HACD1: variants seen among roughly 807,000 people sequenced by gnomAD.
HACD1 encodes 3-hydroxyacyl-CoA dehydratase 1, also known as very-long-chain (3R)-3-hydroxyacyl-CoA dehydratase 1.
A neutral mutation model predicts 32.0 loss-of-function variants in HACD1; 41 were observed. The observed-to-expected ratio is 1.28, with a 90% CI of 1.00 to 1.66. The LOEUF is 1.66. HACD1 is among the 40% of genes most tolerant of loss of function. HACD1 has a pLI of 0.00. For missense variants in HACD1, 396 were observed against 380.1 expected (o/e 1.04, Z -0.35); for synonymous variants, 142 against 139.0 (o/e 1.02, Z -0.15).
rs1833109643 is a variant in HACD1, at chr10:17,617,350, C to T, written c.-11G>A. On this transcript the variant is annotated 5_prime_UTR_variant, in exon 1 of 7. Coordinates refer to ENST00000361271, the MANE Select transcript of HACD1 (RefSeq NM_014241.4). ...CGTCAGGCGCCCCATGTGCAGCGCG[C>T]AGGGGGCTCGGCGCAGCCAGCTCTA... 2 of 1,365,070 alleles carry T rather than the reference C, an allele frequency of 1.5e-6. No homozygotes were observed. Among genetic ancestry groups the T allele is most frequent in the African/African-American group, 1.5e-5 (1 of 65,664 alleles). The allele number at this position is 1,365,070 out of a possible 1,614,324, so 84.6% of individuals were successfully genotyped here.
intron 1 of HACD1, among the ~76,000 whole-genome samples, chr10:17,615,059 C>G (rs1479643715): frequency 6.6e-6 from 1 of 152,194 alleles, no homozygotes; most frequent in Non-Finnish European, 1.5e-5. Context: ...GCTCCGGAAA[C>G]GTTTATTAAC....
intron 5 of HACD1, among the ~76,000 whole-genome samples, chr10:17,596,565 G>A (rs1237453100): frequency 2.7e-5 from 4 of 148,432 alleles, no homozygotes; most frequent in Admixed American, 6.8e-5. Context: ...AAAGTCTTAA[G>A]GGCAATGAAA....
intron 6 of HACD1, among the ~76,000 whole-genome samples, chr10:17,590,697 A>G (rs1027137483): frequency 5.9e-5 from 9 of 152,094 alleles, no homozygotes; most frequent in Non-Finnish European, 1.3e-4. Flanking sequence ...CCTGAGACAG[A>G]GTCTCACTCT....
chr10:17,599,133 A>T, intron 5 of HACD1, 157 bp downstream of exon 5: 3 of 1,267,810 alleles, frequency 2.4e-6, no homozygotes, highest in Non-Finnish European at 3.1e-6. Flanking sequence ...TTAGAATACA[A>T]ATCATAACTT....
rs1450064931 is a variant in HACD1 at position 17,617,245 on chromosome 10, G to T, written c.95C>A (p.Thr32Lys). The change falls in exon 1 of 7, where the codon ACG becomes AAG. Residue 32 changes from threonine (T) to lysine (K), a missense_variant. Physicochemically the swap from Thr to Lys is moderately conservative, Grantham distance 78. Transcript: ENST00000361271. ...SPPTLLPLSPTSPRCAATMAS... is the reference protein window; with the variant it reads ...SPPTLLPLSPKSPRCAATMAS... ...CATGGTGGCCGCGCACCTGGGGGAC[G>T]TGGGAGACAGCGGCAGGAGCGTGGG... The T allele has an allele frequency of 6.7e-6, 10 of 1,481,550 alleles. No homozygotes were observed. In the African/African-American group the frequency reaches 1.3e-4, roughly 19 times the overall value. The allele number at this position is 1,481,550 out of a possible 1,614,324, so 91.8% of individuals were successfully genotyped here. A position where few individuals can be genotyped will look rare whatever the true frequency, so the allele number is the denominator to read the frequency against.
chr10:17,592,315 C>A (rs782399658), intron 6 of HACD1, among the ~76,000 whole-genome samples: 3 of 152,052 alleles, frequency 2.0e-5, no homozygotes, highest in Non-Finnish European at 2.9e-5. Flanking sequence ...CTCACTTAAC[C>A]TCTTTCATCT....
intron 5 of HACD1, among the ~76,000 whole-genome samples, chr10:17,598,438 G>A (rs1834024627): frequency 6.6e-6 from 1 of 152,014 alleles, no homozygotes; most frequent in African/African-American, 2.4e-5. Flanking sequence ...TAATTGACCA[G>A]GCATGGTGGC....
intron 1 of HACD1, among the ~76,000 whole-genome samples, chr10:17,614,538 C>T (rs1250091613): frequency 6.6e-6 from 1 of 151,722 alleles, no homozygotes; most frequent in African/African-American, 2.4e-5. Context: ...CCACCGTGCT[C>T]GGCCTACTCT....
intron 1 of HACD1, among the ~76,000 whole-genome samples, chr10:17,606,607 C>T (rs1554817082): frequency 2.0e-5 from 3 of 152,114 alleles, no homozygotes; most frequent in Non-Finnish European, 2.9e-5. Flanking sequence ...AAGATTCCTG[C>T]AAAGAATCTA....
chr10:17,597,702 G>A (rs189064659), intron 5 of HACD1, among the ~76,000 whole-genome samples: 86 of 152,274 alleles, frequency 5.6e-4, no homozygotes, highest in African/African-American at 1.9e-3. Context: ...ATTGTCATGC[G>A]AAATGATATT....
At chr10:17,615,303 T>C (rs1489392925) in intron 1 of HACD1, among the ~76,000 whole-genome samples, 1 of 152,226 alleles carries the variant, frequency 6.6e-6, no homozygotes, top group African/African-American at 2.4e-5. Flanking sequence ...TGTGCCTCAC[T>C]CTTCTAATCT....
At chr10:17,608,064 G>C (rs1281645008) in intron 1 of HACD1, among the ~76,000 whole-genome samples, 1 of 152,086 alleles carries the variant, frequency 6.6e-6, no homozygotes, top group Non-Finnish European at 1.5e-5. Flanking sequence ...AGGCTGGAGT[G>C]AGTGGTGTGC....
At chr10:17,599,146 ATAAT>A in intron 5 of HACD1, 140 bp downstream of exon 5, 1 of 1,313,804 alleles carries the variant, frequency 7.6e-7, no homozygotes, top group Non-Finnish European at 9.9e-7. Flanking sequence ...CATAACTTGT[ATAAT>A]TATTAGTTAT....
At chr10:17,598,450 C>T (rs1450646085) in intron 5 of HACD1, among the ~76,000 whole-genome samples, 3 of 152,008 alleles carry the variant, frequency 2.0e-5, no homozygotes, top group Non-Finnish European at 4.4e-5. Flanking sequence ...CATGGTGGCT[C>T]ACACCTATAA....
intron 4 of HACD1, among the ~76,000 whole-genome samples, chr10:17,601,880 C>G (rs1834074581): frequency 6.6e-6 from 1 of 151,870 alleles, no homozygotes; most frequent in Non-Finnish European, 1.5e-5. Context: ...TGAGCTGTCC[C>G]CATGCAGACA....
At position 17,590,291 on chromosome 10, in the gene HACD1, A is replaced by C; in HGVS notation, c.*73T>G. ...TCCATGATATTTCACAAAGTTGTTT[A>C]TTCTTGTTATTAAAACTTGGACTCA... On this transcript the variant is annotated 3_prime_UTR_variant, in exon 7 of 7. Coordinates refer to ENST00000361271, the MANE Select transcript of HACD1 (RefSeq NM_014241.4). The C allele has an allele frequency of 9.2e-7, 1 of 1,092,188 alleles. No homozygotes were observed. The highest frequency in any genetic ancestry group is 1.3e-6 in the Non-Finnish European group (1 of 746,534). 67.7% of individuals were successfully genotyped at this position (1,092,188 alleles called of 1,614,324 possible).
At chr10:17,599,433 CA>C in intron 4 of HACD1, 22 bp from the exon 5 acceptor site, 1 of 1,607,946 alleles carries the variant, frequency 6.2e-7, no homozygotes, top group Non-Finnish European at 8.5e-7. Flanking sequence ...CAGAGAAACC[CA>C]GTGTCATTCA....
chr10:17,592,144 G>A (rs1489042389), intron 6 of HACD1, among the ~76,000 whole-genome samples: 2 of 151,702 alleles, frequency 1.3e-5, no homozygotes, highest in Non-Finnish European at 2.9e-5. Flanking sequence ...ACCATGTCTG[G>A]CTAATTTTTG....
At chr10:17,615,096 C>T (rs1554817878) in intron 1 of HACD1, among the ~76,000 whole-genome samples, 1 of 152,240 alleles carries the variant, frequency 6.6e-6, no homozygotes, top group Non-Finnish European at 1.5e-5. Flanking sequence ...TGAGAGAATT[C>T]TTTCAGTTCC....
Sources: allele counts gnomAD v4.1 joint callset (sites outside exome capture counted in the v4.1 genomes callset), GRCh38; gene constraint gnomAD v4.1.1; transcripts MANE v1.5; gene names NCBI Gene and HGNC (gene_info 2026-07-23, HGNC 2026-07-21).